The following FOXD3 variants were observed in gnomAD, a reference collection of about 807,000 sequenced individuals.
FOXD3 encodes forkhead box protein D3.
FOXD3 carries 3 observed loss-of-function variants against 3.6 expected under a neutral mutation model. The ratio of observed to expected loss-of-function variants is 0.84; its 90% confidence interval spans 0.38 to 2.18. The LOEUF is 2.18. Among genes scored for constraint, FOXD3 ranks in the 30% most tolerant of loss-of-function variants. The pLI is 0.06. For missense variants in FOXD3, 686 were observed against 731.6 expected (o/e 0.94, Z 0.72); for synonymous variants, 391 against 360.9 (o/e 1.08, Z -0.94).
chr1:63,324,418 G>C lies in FOXD3; in HGVS notation c.1360G>C (p.Gly454Arg). Residue 454 changes from glycine to arginine, a missense_variant, in exon 1 of 1, where the codon GGA becomes CGA. Around this residue, in one of 3 missense-constraint regions of FOXD3, gnomAD observed 370 missense variants for 372.3 expected, o/e 0.99. Transcript: ENST00000371116. The surrounding 1 kb of genome is among the most constrained non-coding windows in gnomAD (Gnocchi z 4.1). ...IAPILSVPLSGQFLQPAASAA... is the reference protein window; with the variant it reads ...IAPILSVPLSRQFLQPAASAA... ...GCCCATTCTTAGCGTGCCACTCTCC[G>C]GACAGTTTCTGCAGCCCGCAGCCTC... 1.3e-6 allele frequency: 2 copies of C among 1,577,518 alleles called. No individual in the cohort carries two copies. The highest frequency in any genetic ancestry group is 1.4e-5 in the African/African-American group (1 of 73,944).
chr1:63,323,944 G>T lies in FOXD3; in HGVS notation c.886G>T (p.Ala296Ser), dbSNP rs1647052052. ...YSHPAAAAAA[A>S]AAAALQYPYA... ...GCACCCGGCAGCGGCGGCGGCCGCG[G>T]CTGCTGCGGCGGCGCTCCAGTACCC... The change falls in exon 1 of 1, where the codon GCT (alanine) becomes TCT (serine). Residue 296 changes from alanine (A) to serine (S), a missense_variant. Physicochemically the swap from Ala to Ser is moderately conservative, Grantham distance 99. This residue lies in a region of FOXD3 where 370 missense variants were observed against 372.3 expected (regional missense o/e 0.99). Transcript: ENST00000371116. This position sits in a 1 kb window ranked among gnomAD's most constrained non-coding sequence, Gnocchi z 6.8. 8.1e-7 allele frequency: 1 copy of T among 1,242,168 alleles called. No homozygotes were observed. The highest frequency in any genetic ancestry group is 1.0e-6 in the Non-Finnish European group (1 of 998,316). 76.9% of individuals were successfully genotyped at this position (1,242,168 alleles called of 1,614,324 possible).
At position 63,324,342 on chromosome 1, in the gene FOXD3, C is replaced by T. The variant is rs1408203931; in HGVS notation, c.1284C>T (p.Leu428=). ...RPPGTVQSAA[L]MATHQPLSLS... is the part of the protein sequence containing the mutation. ...CCGGGACCGTGCAGTCGGCAGCGCT[C>T]ATGGCCACCCACCAACCGCTGTCGC... Residue 428 remains leucine (L), a synonymous_variant, in exon 1 of 1, where the codon CTC becomes CTT. Transcript: ENST00000371116. The surrounding 1 kb of genome is among the most constrained non-coding windows in gnomAD (Gnocchi z 4.1). 2.5e-6 allele frequency: 4 copies of T among 1,585,474 alleles called. No individual in the cohort carries two copies. Among genetic ancestry groups the T allele is most frequent in the Non-Finnish European group, 3.4e-6 (4 of 1,174,560 alleles).
In FOXD3 at chr1:63,323,407, G is replaced by T; in HGVS notation, c.349G>T (p.Gly117Cys). ...TGGCGGCGAGGAGGGCGGCGCGAGC[G>T]GCGGCGGGCCTGGCGCGGGCAGCGG... is the stretch of plus-strand genomic sequence containing the variant. ...GVGGEEGGAS[G>C]GGPGAGSGSA... Residue 117 changes from glycine to cysteine, a missense_variant, in exon 1 of 1, where the codon GGC becomes TGC. By Grantham distance (159) the Gly-to-Cys change is radical. Around this residue, in one of 3 missense-constraint regions of FOXD3, gnomAD observed 232 missense variants for 214.0 expected, o/e 1.08. Coordinates refer to ENST00000371116, the MANE Select transcript of FOXD3 (RefSeq NM_012183.3). This position sits in a 1 kb window ranked among gnomAD's most constrained non-coding sequence, Gnocchi z 6.8. The T allele has an allele frequency of 2.0e-6, 3 of 1,471,732 alleles. No individual in the cohort carries two copies. Among genetic ancestry groups the T allele is most frequent in the East Asian group, 2.8e-5 (1 of 36,220 alleles). The allele number at this position is 1,471,732 out of a possible 1,614,324, so 91.2% of individuals were successfully genotyped here. A position where few individuals can be genotyped will look rare whatever the true frequency, so the allele number is the denominator to read the frequency against.
Position 63,324,783 on chromosome 1 carries a change from C to A in FOXD3, c.*288C>A. The A allele has an allele frequency of 2.0e-6, 1 of 503,300 alleles. No homozygotes were observed. Among genetic ancestry groups the A allele is most frequent in the Non-Finnish European group, 3.6e-6 (1 of 279,890 alleles). 31.2% of individuals were successfully genotyped at this position (503,300 alleles called of 1,614,324 possible). A position where few individuals can be genotyped will look rare whatever the true frequency, so the allele number is the denominator to read the frequency against. On this transcript the variant is annotated 3_prime_UTR_variant, in exon 1 of 1. Coordinates refer to ENST00000371116, the MANE Select transcript of FOXD3 (RefSeq NM_012183.3). The surrounding 1 kb of genome is among the most constrained non-coding windows in gnomAD (Gnocchi z 4.1). ...ATTTTCCAAAAATGCACCCCGACGGCGCCTGCTCTTAGTACCGTGGGGATG... is the reference window on the plus strand; with the variant it reads ...ATTTTCCAAAAATGCACCCCGACGGAGCCTGCTCTTAGTACCGTGGGGATG...
rs767187756 is a variant in FOXD3 at position 63,323,067 on chromosome 1, C to T, written c.9C>T (p.Leu3=). 3.2e-6 allele frequency: 5 copies of T among 1,540,364 alleles called. No homozygotes were observed. The South Asian group carries it at 4.8e-5, about 15-fold the overall frequency. Residue 3 remains leucine (L), a synonymous_variant, in exon 1 of 1, where the codon CTC becomes CTT. Coordinates refer to ENST00000371116, the MANE Select transcript of FOXD3 (RefSeq NM_012183.3). The surrounding 1 kb of genome is among the most constrained non-coding windows in gnomAD (Gnocchi z 6.8). MT[L]SGGGSASDMS... ...ACCAACCCCGAGGAGGGATGACCCTCTCCGGCGGCGGCAGCGCCAGCGACA... is the reference window on the plus strand; with the variant it reads ...ACCAACCCCGAGGAGGGATGACCCTTTCCGGCGGCGGCAGCGCCAGCGACA...
chr1:63,322,807 C>A lies in FOXD3; in HGVS notation c.-252C>A. 2 of 985,356 alleles carry A rather than the reference C, an allele frequency of 2.0e-6. No homozygotes were observed. The highest frequency in any genetic ancestry group is 2.4e-6 in the Non-Finnish European group (2 of 829,904). 61.0% of individuals were successfully genotyped at this position (985,356 alleles called of 1,614,324 possible). On this transcript the variant is annotated 5_prime_UTR_variant, in exon 1 of 1. Coordinates refer to ENST00000371116, the MANE Select transcript of FOXD3 (RefSeq NM_012183.3). Reference sequence around the variant, plus strand: ...GCGGTAGCGAGCGCCTAGTACCGAGCGCCAGGGACGGCAGGAGTTCGCGGA... The same window carrying A: ...GCGGTAGCGAGCGCCTAGTACCGAGAGCCAGGGACGGCAGGAGTTCGCGGA...
Position 63,324,252 on chromosome 1 carries a change from T to C in FOXD3, c.1194T>C (p.Ala398=). ...PAAPGGSAVG[A]GVAGGTGGSG... Reference sequence around the variant, plus strand: ...CTCCTGGGGGCTCGGCGGTGGGCGCTGGGGTCGCCGGCGGCACTGGGGGTT... The same window carrying C: ...CTCCTGGGGGCTCGGCGGTGGGCGCCGGGGTCGCCGGCGGCACTGGGGGTT... The change falls in exon 1 of 1, where the codon GCT becomes GCC. Residue 398 remains alanine (A), a synonymous_variant. Transcript: ENST00000371116. This position sits in a 1 kb window ranked among gnomAD's most constrained non-coding sequence, Gnocchi z 4.1. The C allele has an allele frequency of 2.0e-6, 3 of 1,463,892 alleles. No individual in the cohort carries two copies. Among genetic ancestry groups the C allele is most frequent in the Admixed American group, 2.6e-5 (1 of 38,386 alleles). The allele number at this position is 1,463,892 out of a possible 1,614,324, so 90.7% of individuals were successfully genotyped here.
chr1:63,322,738 G>T lies in FOXD3; in HGVS notation c.-321G>T. On this transcript the variant is annotated 5_prime_UTR_variant, in exon 1 of 1. Transcript: ENST00000371116. ...CCAGGGCCAGAGGCCGAGGAAGGCG[G>T]GCTAAGTGAGGGGGCGCGGCGTGGA... The T allele has an allele frequency of 1.0e-6, 1 of 985,352 alleles. No individual in the cohort carries two copies. The highest frequency in any genetic ancestry group is 1.2e-6 in the Non-Finnish European group (1 of 829,856). 61.0% of individuals were successfully genotyped at this position (985,352 alleles called of 1,614,324 possible).
Position 63,323,687 on chromosome 1 carries a change from G to T in FOXD3, c.629G>T (p.Gly210Val). 1 of 1,614,080 alleles carries T rather than the reference G, an allele frequency of 6.2e-7. No individual in the cohort carries two copies. The highest frequency in any genetic ancestry group is 8.5e-7 in the Non-Finnish European group (1 of 1,179,988). Residue 210 changes from glycine (G) to valine (V), a missense_variant, in exon 1 of 1, where the codon GGC (glycine) becomes GTC (valine). Around this residue, in one of 3 missense-constraint regions of FOXD3, gnomAD observed 84 missense variants for 145.2 expected, o/e 0.58. Coordinates refer to ENST00000371116, the MANE Select transcript of FOXD3 (RefSeq NM_012183.3). This position sits in a 1 kb window ranked among gnomAD's most constrained non-coding sequence, Gnocchi z 6.8. ...VKIPREPGNP[G>V]KGNYWTLDPQ... Reference sequence around the variant, plus strand: ...ATCCCCCGCGAGCCGGGCAACCCGGGCAAGGGCAACTACTGGACCCTGGAC... The same window carrying T: ...ATCCCCCGCGAGCCGGGCAACCCGGTCAAGGGCAACTACTGGACCCTGGAC...
At position 63,323,539 on chromosome 1, in the gene FOXD3, A is replaced by C. The variant is rs897045765; in HGVS notation, c.481A>C (p.Lys161Gln). ...GGCCATCCTGCAGAGCCCGCAGAAG[A>C]AGCTGACCCTGAGCGGCATCTGCGA... ...TMAILQSPQK[K>Q]LTLSGICEFI... Residue 161 changes from lysine to glutamine, a missense_variant, in exon 1 of 1, where the codon AAG becomes CAG. Physicochemically the swap from Lys to Gln is moderately conservative, Grantham distance 53. Transcript: ENST00000371116. This position sits in a 1 kb window ranked among gnomAD's most constrained non-coding sequence, Gnocchi z 6.8. The C allele has an allele frequency of 1.9e-6, 3 of 1,614,126 alleles. No homozygotes were observed. Among genetic ancestry groups the C allele is most frequent in the South Asian group, 1.1e-5 (1 of 91,086 alleles).
At position 63,323,492 on chromosome 1, in the gene FOXD3, C is replaced by T. The variant is rs1647045921; in HGVS notation, c.434C>T (p.Ser145Leu). The T allele has an allele frequency of 1.9e-6, 3 of 1,613,826 alleles. No homozygotes were observed. The highest frequency in any genetic ancestry group is 1.3e-5 in the African/African-American group (1 of 74,920). The change falls in exon 1 of 1, where the codon TCG becomes TTG. Residue 145 changes from serine (S) to leucine (L), a missense_variant. Transcript: ENST00000371116. This position sits in a 1 kb window ranked among gnomAD's most constrained non-coding sequence, Gnocchi z 6.8. ...AACAGCCTAGTGAAGCCGCCTTACT[C>T]GTACATCGCGCTCATCACCATGGCC... ...PKNSLVKPPYSYIALITMAIL... is the reference protein window; with the variant it reads ...PKNSLVKPPYLYIALITMAIL...
In FOXD3 at chr1:63,324,126, C is replaced by T; in HGVS notation, c.1068C>T (p.Gly356=). The T allele has an allele frequency of 7.0e-7, 1 of 1,433,042 alleles. No homozygotes were observed. The highest frequency in any genetic ancestry group is 9.0e-7 in the Non-Finnish European group (1 of 1,106,506). 88.8% of individuals were successfully genotyped at this position (1,433,042 alleles called of 1,614,324 possible). ...NSLGAAAAAA[G]TAGAAGTTAS... ...TGGGCGCCGCCGCGGCCGCTGCGGG[C>T]ACAGCGGGCGCCGCGGGCACCACCG... Residue 356 remains glycine (G), a synonymous_variant, in exon 1 of 1, where the codon GGC becomes GGT. Coordinates refer to ENST00000371116, the MANE Select transcript of FOXD3 (RefSeq NM_012183.3). This position sits in a 1 kb window ranked among gnomAD's most constrained non-coding sequence, Gnocchi z 4.1.
rs931151703 is a variant in FOXD3 at position 63,323,544 on chromosome 1, G to A, written c.486G>A (p.Leu162=). 12 of 1,614,142 alleles carry A rather than the reference G, an allele frequency of 7.4e-6. No homozygotes were observed. In the Admixed American group the frequency reaches 1.2e-4, roughly 16 times the overall value. ...TCCTGCAGAGCCCGCAGAAGAAGCT[G>A]ACCCTGAGCGGCATCTGCGAGTTCA... ...MAILQSPQKK[L]TLSGICEFIS... is the part of the protein sequence containing the mutation. The change falls in exon 1 of 1, where the codon CTG becomes CTA. Residue 162 remains leucine, a synonymous_variant. Transcript: ENST00000371116. This position sits in a 1 kb window ranked among gnomAD's most constrained non-coding sequence, Gnocchi z 6.8.
Position 63,323,554 on chromosome 1 carries a change from G to C in FOXD3, c.496G>C (p.Gly166Arg). The C allele has an allele frequency of 6.2e-7, 1 of 1,614,144 alleles. No homozygotes were observed. The highest frequency in any genetic ancestry group is 8.5e-7 in the Non-Finnish European group (1 of 1,180,026). The change falls in exon 1 of 1, where the codon GGC becomes CGC. Residue 166 changes from glycine to arginine, a missense_variant. By Grantham distance (125) the Gly-to-Arg change is moderately radical (BLOSUM62 -2). This residue lies in a region of FOXD3 where 84 missense variants were observed against 145.2 expected (regional missense o/e 0.58). Transcript: ENST00000371116. The surrounding 1 kb of genome is among the most constrained non-coding windows in gnomAD (Gnocchi z 6.8). The part of the protein sequence containing the change: ...QSPQKKLTLS[G>R]ICEFISNRFP... The stretch of plus-strand genomic sequence containing the variant: ...CCCGCAGAAGAAGCTGACCCTGAGC[G>C]GCATCTGCGAGTTCATCAGCAACCG...
At position 63,322,810 on chromosome 1, in the gene FOXD3, C is replaced by T. The variant is rs1647035165; in HGVS notation, c.-249C>T. 1.0e-6 allele frequency: 1 copy of T among 985,264 alleles called. No individual in the cohort carries two copies. The highest frequency in any genetic ancestry group is 1.7e-5 in the African/African-American group (1 of 57,242). 61.0% of individuals were successfully genotyped at this position (985,264 alleles called of 1,614,324 possible). On this transcript the variant is annotated 5_prime_UTR_variant, in exon 1 of 1. Coordinates refer to ENST00000371116, the MANE Select transcript of FOXD3 (RefSeq NM_012183.3). ...GTAGCGAGCGCCTAGTACCGAGCGCCAGGGACGGCAGGAGTTCGCGGAGCG... is the reference window on the plus strand; with the variant it reads ...GTAGCGAGCGCCTAGTACCGAGCGCTAGGGACGGCAGGAGTTCGCGGAGCG...
chr1:63,324,519 A>C lies in FOXD3; in HGVS notation c.*24A>C. ...AGGGACGCGCCAATGGCCGGGACCC[A>C]GGGTCCGGCGGCGGCCTCGAGCAAC... On this transcript the variant is annotated 3_prime_UTR_variant, in exon 1 of 1. Transcript: ENST00000371116. This position sits in a 1 kb window ranked among gnomAD's most constrained non-coding sequence, Gnocchi z 4.1. 6.6e-7 allele frequency: 1 copy of C among 1,512,680 alleles called. No homozygotes were observed. Among genetic ancestry groups the C allele is most frequent in the Non-Finnish European group, 8.9e-7 (1 of 1,127,380 alleles). The allele number at this position is 1,512,680 out of a possible 1,614,324, so 93.7% of individuals were successfully genotyped here.
chr1:63,323,378 G>A lies in FOXD3; in HGVS notation c.320G>A (p.Gly107Asp). ...GAPEADGCKG[G>D]VGGEEGGASG... ...CCGGAGGCGGACGGCTGCAAGGGCG[G>A]TGTTGGCGGCGAGGAGGGCGGCGCG... is the stretch of plus-strand genomic sequence containing the variant. The change falls in exon 1 of 1, where the codon GGT becomes GAT. Residue 107 changes from glycine to aspartate, a missense_variant. By Grantham distance (94) the Gly-to-Asp change is moderately conservative (BLOSUM62 -1). This residue lies in a region of FOXD3 where 232 missense variants were observed against 214.0 expected (regional missense o/e 1.08). Transcript: ENST00000371116. The surrounding 1 kb of genome is among the most constrained non-coding windows in gnomAD (Gnocchi z 6.8). The A allele has an allele frequency of 1.4e-6, 2 of 1,399,248 alleles. No individual in the cohort carries two copies. The highest frequency in any genetic ancestry group is 1.8e-6 in the Non-Finnish European group (2 of 1,081,298). The allele number at this position is 1,399,248 out of a possible 1,614,324, so 86.7% of individuals were successfully genotyped here.
chr1:63,324,365 C>T lies in FOXD3; in HGVS notation c.1307C>T (p.Ser436Leu), dbSNP rs1334705642. ...AALMATHQPL[S>L]LSRTTATIAP... ...CTCATGGCCACCCACCAACCGCTGT[C>T]GCTGAGCCGGACGACTGCCACCATC... is the stretch of plus-strand genomic sequence containing the variant. The change falls in exon 1 of 1, where the codon TCG (serine) becomes TTG (leucine). Residue 436 changes from serine to leucine, a missense_variant. Coordinates refer to ENST00000371116, the MANE Select transcript of FOXD3 (RefSeq NM_012183.3). This position sits in a 1 kb window ranked among gnomAD's most constrained non-coding sequence, Gnocchi z 4.1. The T allele has an allele frequency of 6.3e-7, 1 of 1,588,596 alleles. No homozygotes were observed.
Position 63,324,806 on chromosome 1 carries a change from A to G in FOXD3, c.*311A>G, listed in dbSNP as rs1343452434. 2.5e-6 allele frequency: 1 copy of G among 403,810 alleles called. No homozygotes were observed. Among genetic ancestry groups the G allele is most frequent in the Non-Finnish European group, 4.6e-6 (1 of 219,628 alleles). 25.0% of individuals were successfully genotyped at this position (403,810 alleles called of 1,614,324 possible). A position where few individuals can be genotyped will look rare whatever the true frequency, so the allele number is the denominator to read the frequency against. On this transcript the variant is annotated 3_prime_UTR_variant, in exon 1 of 1. Transcript: ENST00000371116. This position sits in a 1 kb window ranked among gnomAD's most constrained non-coding sequence, Gnocchi z 4.1. ...GGCGCCTGCTCTTAGTACCGTGGGG[A>G]TGGGAGGGAAATTCTTTGTATATAT... is the stretch of plus-strand genomic sequence containing the variant.
Sources: allele counts gnomAD v4.1 joint callset, GRCh38; gene constraint gnomAD v4.1.1; regional missense constraint gnomAD v4.1.1; non-coding constraint Gnocchi (gnomAD v3.1); transcripts MANE v1.5; gene names NCBI Gene and HGNC (gene_info 2026-07-23, HGNC 2026-07-21).